The following MYH6 variants were observed in gnomAD, a reference collection of about 807,000 sequenced individuals.
The protein encoded by MYH6 is myosin heavy chain 6.
A neutral mutation model predicts 223.2 loss-of-function variants in MYH6; 126 were observed. That is an observed-to-expected ratio of 0.56 (90% confidence interval 0.49 to 0.65). MYH6 has a LOEUF of 0.65. Among genes scored for constraint, MYH6 ranks in the 30% least tolerant of loss-of-function variants. The pLI, the probability that MYH6 is intolerant of heterozygous loss-of-function variation, is 0.00. For synonymous variants in MYH6, 978 were observed against 1,010.2 expected (o/e 0.97, Z 0.61); for missense variants, 2,040 against 2,536.4 (o/e 0.80, Z 4.20).
intron 28 of MYH6, 63 bp from the exon 29 acceptor site, chr14:23,389,118 T>C: frequency 1.3e-6 from 2 of 1,514,470 alleles, no homozygotes; most frequent in South Asian, 2.6e-5. Context: ...CTCTAGATTC[T>C]CTTCTTATGT....
At position 23,391,417 on chromosome 14, in the gene MYH6, T is replaced by A. The variant is rs11846717; in HGVS notation, c.3343-971A>T. On this transcript the variant is annotated intron_variant, in intron 25 of 38. Coordinates refer to ENST00000405093, the MANE Select transcript of MYH6 (RefSeq NM_002471.4). Reference sequence around the variant, plus strand: ...TTCTGTGTCCAAGAGGCCAAACAAGTTGCCCAGACCTAGGGTAGAAGAACC... The same window carrying A: ...TTCTGTGTCCAAGAGGCCAAACAAGATGCCCAGACCTAGGGTAGAAGAACC... 7.9e-3 allele frequency among the ~76,000 whole-genome samples: 1,200 copies of A among 152,316 alleles called. 19 individuals carry two copies. The highest frequency in any genetic ancestry group is 0.027 in the African/African-American group (1,128 of 41,566).
intron 32 of MYH6, 148 bp downstream of exon 32, chr14:23,387,381 A>G: frequency 7.7e-7 from 1 of 1,293,232 alleles, no homozygotes; most frequent in East Asian, 2.4e-5. Flanking sequence ...GGAGGCAGTC[A>G]TGGGTAGTGA....
At position 23,382,566 on chromosome 14, in the gene MYH6, T is replaced by C. The variant is rs1457990689; in HGVS notation, c.5662-4A>G. ...GGTTGGTGTTGGCTTGCTCCTCCTG[T>C]GGTGGGACAGTGGGGATGGGTGAAT... On this transcript the variant is annotated splice_polypyrimidine_tract_variant and splice_region_variant and intron_variant, in intron 37 of 38. Coordinates refer to ENST00000405093, the MANE Select transcript of MYH6 (RefSeq NM_002471.4). The C allele has an allele frequency of 6.8e-6, 11 of 1,614,150 alleles. No individual in the cohort carries two copies. The highest frequency in any genetic ancestry group is 9.3e-6 in the Non-Finnish European group (11 of 1,180,016).
intron 38 of MYH6, 94 bp from the exon 39 acceptor site, chr14:23,382,157 T>C (rs967199119): frequency 2.3e-6 from 3 of 1,309,930 alleles, no homozygotes; most frequent in African/African-American, 2.9e-5. Flanking sequence ...CTAAGGGAGA[T>C]GCCCTTGGAG....
In MYH6 at chr14:23,397,230, G is replaced by T. The variant is rs1279210494; in HGVS notation, c.1990C>A (p.Leu664Met). Residue 664 changes from leucine to methionine, a missense_variant, in exon 17 of 39, where the codon CTG becomes ATG. Transcript: ENST00000405093. ...RENLNKLMTN[L>M]RTTHPHFVRC... Reference sequence around the variant, plus strand: ...ACAAAGTGAGGATGGGTGGTCCTCAGGTTGGTCATTAGCTTGTTGAGATTT... The same window carrying T: ...ACAAAGTGAGGATGGGTGGTCCTCATGTTGGTCATTAGCTTGTTGAGATTT... 2 of 1,614,216 alleles carry T rather than the reference G, an allele frequency of 1.2e-6. No homozygotes were observed. The highest frequency in any genetic ancestry group is 8.5e-7 in the Non-Finnish European group (1 of 1,180,032).
intron 26 of MYH6, 42 bp downstream of exon 26, chr14:23,390,015 C>T: frequency 6.2e-7 from 1 of 1,613,448 alleles, no homozygotes; most frequent in Non-Finnish European, 8.5e-7. Flanking sequence ...GGAGGCTCCG[C>T]TGTGCAGGGG....
Position 23,383,339 on chromosome 14 carries a change from G to GGGGGGGGGGCCCCCCC in MYH6, c.5566-20_5566-19insGGGGGGGCCCCCCCCC. 5 of 108,166 alleles carry GGGGGGGGGGCCCCCCC rather than the reference G, an allele frequency of 4.6e-5. No homozygotes were observed. Among genetic ancestry groups the GGGGGGGGGGCCCCCCC allele is most frequent in the East Asian group, 2.3e-4 (1 of 4,406 alleles). 6.7% of individuals were successfully genotyped at this position (108,166 alleles called of 1,614,324 possible). A position where few individuals can be genotyped will look rare whatever the true frequency, so the allele number is the denominator to read the frequency against. On this transcript the variant is annotated intron_variant, in intron 36 of 38. Coordinates refer to ENST00000405093, the MANE Select transcript of MYH6 (RefSeq NM_002471.4). ...CCTCTGTCTGGGGGTGGGAGGGTGG[G>GGGGGGGGGGCCCCCCC]AGAAGCTGGTTTGGAGGGGGAGCAA...
In MYH6 at chr14:23,402,842, G is replaced by A. The variant is rs115706155; in HGVS notation, c.899-42C>T. On this transcript the variant is annotated intron_variant, in intron 10 of 38. Transcript: ENST00000405093. ...GTGAGGCAGGGGCAAGGGGGCAGGC[G>A]GAGGGCAGGGAAGGGGCAGGTAGAG... 1.1e-3 allele frequency: 1,614 copies of A among 1,499,592 alleles called. 9 individuals carry two copies. In the African/African-American group the frequency reaches 0.019, roughly 18 times the overall value. 92.9% of individuals were successfully genotyped at this position (1,499,592 alleles called of 1,614,324 possible).
intron 20 of MYH6, among the ~76,000 whole-genome samples, chr14:23,395,267 T>G (rs79331964): frequency 0.015 from 2,230 of 152,352 alleles, 49 homozygotes; most frequent in East Asian, 0.082. Context: ...TTGCCTTTGT[T>G]TACTAACAAT....
At chr14:23,396,231 G>A (rs1891388716) in intron 20 of MYH6, 53 bp downstream of exon 20, 1 of 1,612,280 alleles carries the variant, frequency 6.2e-7, no homozygotes, top group South Asian at 1.1e-5. Flanking sequence ...AGTTGACATT[G>A]CGGATCTGCC....
At position 23,389,656 on chromosome 14, in the gene MYH6, C is replaced by G; in HGVS notation, c.3796G>C (p.Glu1266Gln). The change falls in exon 27 of 39, where the codon GAA (glutamate) becomes CAA (glutamine). Residue 1266 changes from glutamate (E) to glutamine (Q), a missense_variant. Glu to Gln is a conservative substitution (Grantham distance 29). Coordinates refer to ENST00000405093, the MANE Select transcript of MYH6 (RefSeq NM_002471.4). Reference sequence around the variant, plus strand: ...TCATTGAGGGAGCGTTGGGCCTCTTCTAGCTTCACGCGGTACTCATTGGCC... The same window carrying G: ...TCATTGAGGGAGCGTTGGGCCTCTTGTAGCTTCACGCGGTACTCATTGGCC... ...DQANEYRVKLEEAQRSLNDFT... is the reference protein window; with the variant it reads ...DQANEYRVKLQEAQRSLNDFT... 1.2e-6 allele frequency: 2 copies of G among 1,614,186 alleles called. No homozygotes were observed. Among genetic ancestry groups the G allele is most frequent in the Non-Finnish European group, 1.7e-6 (2 of 1,180,038 alleles).
chr14:23,404,867 C>T, intron 6 of MYH6, 45 bp from the exon 7 acceptor site: 1 of 1,576,002 alleles, frequency 6.3e-7, no homozygotes, highest in Non-Finnish European at 8.7e-7. Context: ...TCCTACTGTT[C>T]TCCATACAGG....
chr14:23,394,150 G>T lies in MYH6; in HGVS notation c.2603C>A (p.Ser868Tyr). The T allele has an allele frequency of 6.2e-7, 1 of 1,614,218 alleles. No individual in the cohort carries two copies. Among genetic ancestry groups the T allele is most frequent in the African/African-American group, 1.3e-5 (1 of 75,052 alleles). The change falls in exon 21 of 39, where the codon TCC becomes TAC. Residue 868 changes from serine (S) to tyrosine (Y), a missense_variant. By Grantham distance (144) the Ser-to-Tyr change is moderately radical (BLOSUM62 -2). Transcript: ENST00000405093. ...CTCCAGCTCCTTGCGGCGAGCCTCG[G>T]ACTTCTCCAGCGTCTCTTTGATGCG... ...FGRIKETLEK[S>Y]EARRKELEEK...
intron 20 of MYH6, among the ~76,000 whole-genome samples, chr14:23,394,818 T>C (rs1891347272): frequency 6.6e-6 from 1 of 152,208 alleles, no homozygotes. Flanking sequence ...CTTTCCTTGC[T>C]TTTTCAAAAA....
Position 23,388,341 on chromosome 14 carries a change from G to A in MYH6, c.4176-3C>T. 6.2e-7 allele frequency: 1 copy of A among 1,612,610 alleles called. No homozygotes were observed. Among genetic ancestry groups the A allele is most frequent in the Non-Finnish European group, 8.5e-7 (1 of 1,179,988 alleles). ...GCAGCCGCTGGGCCAGCTTCTTTCT[G>A]CCCAGGTGAGGGTGGAGGGTGTGTG... On this transcript the variant is annotated splice_polypyrimidine_tract_variant and splice_region_variant and intron_variant, in intron 29 of 38. Transcript: ENST00000405093.
chr14:23,402,949 GAA>G (rs1221140900), intron 10 of MYH6, 149 bp from the exon 11 acceptor site: 2 of 699,428 alleles, frequency 2.9e-6, no homozygotes, highest in Non-Finnish European at 2.5e-6. Context: ...GGAGAGAAGA[GAA>G]GTCAGCAAGG....
rs183497783 is a variant in MYH6, at chr14:23,403,919, C to T, written c.736-141G>A. On this transcript the variant is annotated intron_variant, in intron 8 of 38. Transcript: ENST00000405093. Reference sequence around the variant, plus strand: ...TGTCTCAGTTGAGTATAAGTGAAGCCGGGCAGAGGATGCCACCCTCACACA... The same window carrying T: ...TGTCTCAGTTGAGTATAAGTGAAGCTGGGCAGAGGATGCCACCCTCACACA... 2.8e-4 allele frequency: 224 copies of T among 799,914 alleles called. No homozygotes were observed. In the African/African-American group the frequency reaches 3.2e-3, roughly 11 times the overall value. 49.6% of individuals were successfully genotyped at this position (799,914 alleles called of 1,614,324 possible). A position where few individuals can be genotyped will look rare whatever the true frequency, so the allele number is the denominator to read the frequency against.
chr14:23,391,152 A>G (rs901455177), intron 25 of MYH6, among the ~76,000 whole-genome samples: 2 of 152,196 alleles, frequency 1.3e-5, no homozygotes, highest in Non-Finnish European at 2.9e-5. Context: ...TATCGTATCT[A>G]CCATTTTGAT....
At position 23,387,659 on chromosome 14, in the gene MYH6, GA is replaced by G. The variant is rs757463737; in HGVS notation, c.4526-7del. 8.1e-6 allele frequency: 13 copies of G among 1,613,982 alleles called. No homozygotes were observed. The South Asian group carries it at 1.4e-4, about 18-fold the overall frequency. ...AGTAAGGTCCGAGATTTCCTCTGGG[GA>G]CCAGAGGGCCAGAAAGCTCAAAGCC... is the stretch of plus-strand genomic sequence containing the variant. On this transcript the variant is annotated splice_polypyrimidine_tract_variant and splice_region_variant and intron_variant, in intron 31 of 38. Coordinates refer to ENST00000405093, the MANE Select transcript of MYH6 (RefSeq NM_002471.4).
Sources: allele counts gnomAD v4.1 joint callset (sites outside exome capture counted in the v4.1 genomes callset), GRCh38; gene constraint gnomAD v4.1.1; transcripts MANE v1.5; gene names NCBI Gene and HGNC (gene_info 2026-07-23, HGNC 2026-07-21).